Variants in SNAP91 observed in about 807,000 individuals in gnomAD.
The protein encoded by SNAP91 is clathrin coat assembly protein AP180.
In SNAP91, 27 loss-of-function variants were observed where a neutral mutation model predicts 100.3. That is an observed-to-expected ratio of 0.27 (90% CI 0.20 to 0.37). The LOEUF (loss-of-function observed/expected upper bound fraction) is 0.37. Ranked by LOEUF, SNAP91 falls within the 10% of genes least tolerant of loss-of-function variation. The pLI is 1.00. For missense variants in SNAP91, 986 were observed against 1,123.7 expected (o/e 0.88, Z 1.75); for synonymous variants, 404 against 398.6 (o/e 1.01, Z -0.16).
At chr6:83,575,372 A>G (rs1816678798) in intron 25 of SNAP91, 2 of 458,160 alleles carry the variant, frequency 4.4e-6, no homozygotes, top group African/African-American at 4.0e-5. Context: ...CCTATCCTCT[A>G]TAAAGAAAAG....
At chr6:83,592,073 T>C (rs1335237549) in intron 21 of SNAP91, among the ~76,000 whole-genome samples, 3 of 152,240 alleles carry the variant, frequency 2.0e-5, no homozygotes. Flanking sequence ...TTCTAAATTA[T>C]CTATTAATAG....
At chr6:83,596,211 T>G (rs1219392538) in intron 16 of SNAP91, among the ~76,000 whole-genome samples, 1 of 152,142 alleles carries the variant, frequency 6.6e-6, no homozygotes, top group African/African-American at 2.4e-5. Flanking sequence ...TACAGCACTA[T>G]GCCCAGCCAG....
intron 2 of SNAP91, among the ~76,000 whole-genome samples, chr6:83,696,879 T>C (rs1169308300): frequency 6.6e-6 from 1 of 152,350 alleles, no homozygotes; most frequent in African/African-American, 2.4e-5. Flanking sequence ...GGAACAATTC[T>C]TGGCATTTGG....
chr6:83,641,064 T>G, intron 8 of SNAP91, 32 bp downstream of exon 8: 6 of 1,227,816 alleles, frequency 4.9e-6, no homozygotes, highest in Non-Finnish European at 6.7e-6. Flanking sequence ...ATTTAAAAAA[T>G]TATATTCCCA....
chr6:83,692,026 T>C (rs1381377052), intron 2 of SNAP91, among the ~76,000 whole-genome samples: 1 of 152,188 alleles, frequency 6.6e-6, no homozygotes, highest in Non-Finnish European at 1.5e-5. Flanking sequence ...TGTACTCTTA[T>C]CTTCCTAGAA....
At chr6:83,556,819 A>G (rs1475517551) in intron 28 of SNAP91, among the ~76,000 whole-genome samples, 18 of 152,210 alleles carry the variant, frequency 1.2e-4, no homozygotes, top group Admixed American at 1.2e-3. Flanking sequence ...AAGCTATTTA[A>G]GAAATTACTT....
At chr6:83,561,800 G>A (rs1788204507) in intron 26 of SNAP91, among the ~76,000 whole-genome samples, 1 of 152,118 alleles carries the variant, frequency 6.6e-6, no homozygotes. Context: ...GAGGCCAGGA[G>A]TTTAGGACCA....
At chr6:83,575,417 T>C in intron 25 of SNAP91, 2 of 382,316 alleles carry the variant, frequency 5.2e-6, no homozygotes, top group South Asian at 5.2e-5. Context: ...TCATTTGTTA[T>C]TAAAAATGCA....
At chr6:83,698,155 GTA>G (rs2099245138) in intron 2 of SNAP91, among the ~76,000 whole-genome samples, 3 of 152,148 alleles carry the variant, frequency 2.0e-5, no homozygotes, top group African/African-American at 7.2e-5. Context: ...GAACTGTGGG[GTA>G]TGTGTGTGTG....
chr6:83,616,781 CAG>C (rs2096507698), intron 10 of SNAP91, among the ~76,000 whole-genome samples, 186 bp downstream of exon 10: 2 of 152,052 alleles, frequency 1.3e-5, no homozygotes. Flanking sequence ...CATTAGCCTG[CAG>C]AGAGATTGTC....
intron 7 of SNAP91, among the ~76,000 whole-genome samples, chr6:83,642,652 G>A (rs1054280439): frequency 3.3e-5 from 5 of 152,288 alleles, no homozygotes; most frequent in Non-Finnish European, 7.3e-5. Context: ...ATAAACATAC[G>A]TGTGCATGTG....
At chr6:83,614,604 TATATTA>T (rs1209585698) in intron 11 of SNAP91, among the ~76,000 whole-genome samples, 6 of 152,120 alleles carry the variant, frequency 3.9e-5, no homozygotes, top group Non-Finnish European at 7.4e-5. Flanking sequence ...ATCTGAGGAA[TATATTA>T]ATATAAATAC....
chr6:83,582,426 T>G, intron 22 of SNAP91, 70 bp from the exon 23 acceptor site: 1 of 1,435,570 alleles, frequency 7.0e-7, no homozygotes, highest in East Asian at 2.5e-5. Flanking sequence ...AAACTGAATT[T>G]AAAAAGTTAT....
At chr6:83,664,937 G>A (rs976353429) in intron 3 of SNAP91, among the ~76,000 whole-genome samples, 2 of 152,104 alleles carry the variant, frequency 1.3e-5, no homozygotes, top group African/African-American at 4.8e-5. Context: ...TCAGTCAGCA[G>A]CCATCAATAT....
intron 26 of SNAP91, among the ~76,000 whole-genome samples, chr6:83,573,959 A>C (rs947978216): frequency 2.6e-5 from 4 of 152,244 alleles, no homozygotes; most frequent in African/African-American, 7.2e-5. Flanking sequence ...AATGGGATCT[A>C]ATTAAACTAA....
At chr6:83,605,626 A>C in intron 14 of SNAP91, 59 bp downstream of exon 14, 1 of 1,544,874 alleles carries the variant, frequency 6.5e-7, no homozygotes, top group Non-Finnish European at 8.7e-7. Flanking sequence ...TTATAGCCTA[A>C]GTAAAAACAA....
chr6:83,630,339 G>A (rs761132567), intron 8 of SNAP91, among the ~76,000 whole-genome samples: 4 of 151,988 alleles, frequency 2.6e-5, no homozygotes, highest in Non-Finnish European at 5.9e-5. Context: ...TCTGGTTTGG[G>A]TATTAGGGTG....
In SNAP91 at chr6:83,611,601, A is replaced by G. The variant is rs575556827; in HGVS notation, c.885-924T>C. Among the ~76,000 whole-genome samples, 13 of 152,336 alleles carry G rather than the reference A, an allele frequency of 8.5e-5. No individual in the cohort carries two copies. In the East Asian group the frequency reaches 2.5e-3, roughly 29 times the overall value. On this transcript the variant is annotated intron_variant, in intron 11 of 29. Transcript: ENST00000369694. Reference sequence around the variant, plus strand: ...CACATAGCAGCAGCAAAACAAAATTACAGCAGAAATTTAGTAAGTAGAATT... The same window carrying G: ...CACATAGCAGCAGCAAAACAAAATTGCAGCAGAAATTTAGTAAGTAGAATT...
rs140964001 is a variant in SNAP91, at chr6:83,597,012, G to T, written c.1325-2531C>A. Among the ~76,000 whole-genome samples, 68 of 152,262 alleles carry T rather than the reference G, an allele frequency of 4.5e-4. No homozygotes were observed. The East Asian group carries it at 0.012, about 26-fold the overall frequency. On this transcript the variant is annotated intron_variant, in intron 16 of 29. Transcript: ENST00000369694. ...TATCACTTATGTGTAAGGAGATAAA[G>T]CCCATATTGTTATAGCTACATCCTT... is the stretch of plus-strand genomic sequence containing the variant.
Sources: allele counts gnomAD v4.1 joint callset (sites outside exome capture counted in the v4.1 genomes callset), GRCh38; gene constraint gnomAD v4.1.1; transcripts MANE v1.5; gene names NCBI Gene and HGNC (gene_info 2026-07-23, HGNC 2026-07-21).